AP1AR: variants seen among roughly 807,000 people sequenced by gnomAD.
AP1AR encodes the protein AP-1 complex-associated regulatory protein.
In AP1AR, 29 loss-of-function variants were observed where a neutral mutation model predicts 46.3. That is an observed-to-expected ratio of 0.63 (90% CI 0.47 to 0.85). The LOEUF is 0.85. Among genes scored for constraint, AP1AR ranks in the 40% least tolerant of loss-of-function variants. AP1AR has a pLI of 0.00. For synonymous variants in AP1AR, 122 were observed against 122.9 expected (o/e 0.99, Z 0.05); for missense variants, 357 against 356.3 (o/e 1.00, Z -0.02).
chr4:112,259,691 G>A (rs1726356528), intron 4 of AP1AR, among the ~76,000 whole-genome samples: 1 of 152,142 alleles, frequency 6.6e-6, no homozygotes, highest in Non-Finnish European at 1.5e-5. Flanking sequence ...AAAGGAATAG[G>A]TTAAAGGTAA....
intron 4 of AP1AR, 25 bp downstream of exon 4, chr4:112,257,822 AC>A (rs771566036): frequency 2.9e-5 from 44 of 1,537,728 alleles, no homozygotes; most frequent in East Asian, 4.7e-5. Flanking sequence ...AAAAAAAAAA[AC>A]AAAACTTCTA....
At chr4:112,236,897 A>G (rs756280429) in intron 1 of AP1AR, among the ~76,000 whole-genome samples, 19 of 152,334 alleles carry the variant, frequency 1.2e-4, no homozygotes, top group Non-Finnish European at 2.4e-4. Context: ...AAGCTATTCT[A>G]ATTTCAAAAA....
chr4:112,262,754 A>G (rs1490348823), intron 5 of AP1AR, among the ~76,000 whole-genome samples: 1 of 152,248 alleles, frequency 6.6e-6, no homozygotes, highest in Non-Finnish European at 1.5e-5. Flanking sequence ...AATAGATGCT[A>G]CTGCTTCATA....
chr4:112,272,086 A>C lies in AP1AR; in HGVS notation c.*3677A>C, dbSNP rs1292328854. On this transcript the variant is annotated 3_prime_UTR_variant, in exon 10 of 10. Transcript: ENST00000274000. ...TGGAGACAGTTACACAAATGAAGGGATGGAAACTGGGGAGTTGGGGATGAA... is the reference window on the plus strand; with the variant it reads ...TGGAGACAGTTACACAAATGAAGGGCTGGAAACTGGGGAGTTGGGGATGAA... Among the ~76,000 whole-genome samples the C allele has an allele frequency of 6.6e-6, 1 of 152,206 alleles. No homozygotes were observed. The highest frequency in any genetic ancestry group is 2.4e-5 in the African/African-American group (1 of 41,454).
chr4:112,235,865 T>A (rs987468530), intron 1 of AP1AR, among the ~76,000 whole-genome samples: 1 of 152,210 alleles, frequency 6.6e-6, no homozygotes, highest in African/African-American at 2.4e-5. Context: ...TTATTCTGTG[T>A]GCTAAGCTGT....
At chr4:112,264,874 A>T in intron 6 of AP1AR, 135 bp from the exon 7 acceptor site, 1 of 663,330 alleles carries the variant, frequency 1.5e-6, no homozygotes, top group Non-Finnish European at 2.5e-6. Flanking sequence ...TGATGGATTT[A>T]AGGAAAAATA....
rs758416681 is a variant in AP1AR, at chr4:112,266,734, A to G, written c.643+18A>G. 6.9e-6 allele frequency: 11 copies of G among 1,585,832 alleles called. No individual in the cohort carries two copies. In the East Asian group the frequency reaches 1.1e-4, roughly 16 times the overall value. ...TGAAGAAGGTATTTTATAATTCACA[A>G]TTTTACCTGAAAAATTTAACGTAAT... On this transcript the variant is annotated intron_variant, in intron 9 of 9. Transcript: ENST00000274000.
At chr4:112,241,768 T>C (rs1055351436) in intron 1 of AP1AR, among the ~76,000 whole-genome samples, 6 of 152,222 alleles carry the variant, frequency 3.9e-5, no homozygotes, top group Admixed American at 3.9e-4. Context: ...GTTGATTTTA[T>C]CCCTTAAGAT....
intron 1 of AP1AR, 71 bp from the exon 2 acceptor site, chr4:112,253,137 T>C: frequency 8.6e-7 from 1 of 1,168,508 alleles, no homozygotes; most frequent in Non-Finnish European, 1.2e-6. Flanking sequence ...AAATAAATGT[T>C]TTTATGCTAT....
At chr4:112,258,374 C>T (rs979890213) in intron 4 of AP1AR, among the ~76,000 whole-genome samples, 1 of 152,064 alleles carries the variant, frequency 6.6e-6, no homozygotes, top group Non-Finnish European at 1.5e-5. Context: ...TGCCAAGCAC[C>T]GTGCTAGACA....
intron 3 of AP1AR, among the ~76,000 whole-genome samples, chr4:112,256,967 A>G (rs1488108565): frequency 6.6e-6 from 1 of 152,218 alleles, no homozygotes; most frequent in East Asian, 1.9e-4. Flanking sequence ...TCTGTGTAAG[A>G]CACTGTATTA....
intron 1 of AP1AR, among the ~76,000 whole-genome samples, chr4:112,235,272 G>A (rs1403553414): frequency 6.6e-6 from 1 of 152,120 alleles, no homozygotes; most frequent in Non-Finnish European, 1.5e-5. Context: ...TTCTTTCTCA[G>A]ATAGAAGACC....
intron 7 of AP1AR, 50 bp from the exon 8 acceptor site, chr4:112,265,684 T>C (rs770019005): frequency 2.2e-6 from 3 of 1,372,380 alleles, no homozygotes; most frequent in South Asian, 2.5e-5. Flanking sequence ...ATATTTGTCA[T>C]ATTGCAGCTA....
intron 1 of AP1AR, among the ~76,000 whole-genome samples, chr4:112,240,088 A>G (rs1342423932): frequency 1.3e-5 from 2 of 152,248 alleles, no homozygotes; most frequent in Non-Finnish European, 2.9e-5. Context: ...ACACAAATAC[A>G]ACATAAATTC....
At chr4:112,243,523 C>T (rs908288686) in intron 1 of AP1AR, among the ~76,000 whole-genome samples, 6 of 152,210 alleles carry the variant, frequency 3.9e-5, no homozygotes, top group East Asian at 1.9e-4. Flanking sequence ...TCATTCTATA[C>T]GTTTATCCCC....
At chr4:112,257,001 C>T (rs1328499987) in intron 3 of AP1AR, among the ~76,000 whole-genome samples, 1 of 152,162 alleles carries the variant, frequency 6.6e-6, no homozygotes, top group Non-Finnish European at 1.5e-5. Flanking sequence ...GATTCATTAA[C>T]TTTGAACTCA....
At chr4:112,239,324 C>CT (rs1399431932) in intron 1 of AP1AR, among the ~76,000 whole-genome samples, 2 of 152,172 alleles carry the variant, frequency 1.3e-5, no homozygotes, top group Admixed American at 6.5e-5. Context: ...CTCGTCTTGC[C>CT]TAGTCTTGAT....
rs150701507 is a variant in AP1AR, at chr4:112,260,432, A to C, written c.186-334A>C. Among the ~76,000 whole-genome samples the C allele has an allele frequency of 2.9e-3, 442 of 152,344 alleles. 1 individual carries two copies. The highest frequency in any genetic ancestry group is 9.7e-3 in the African/African-American group (405 of 41,582). On this transcript the variant is annotated intron_variant, in intron 4 of 9. Transcript: ENST00000274000. Reference sequence around the variant, plus strand: ...CTGATGTTTATATTTTATGATGAGCATCTTGGGATATGGTTTGGGGTATAT... The same window carrying C: ...CTGATGTTTATATTTTATGATGAGCCTCTTGGGATATGGTTTGGGGTATAT...
At chr4:112,237,840 C>T (rs114012828) in intron 1 of AP1AR, among the ~76,000 whole-genome samples, 9,124 of 152,220 alleles carry the variant, frequency 0.06, 353 homozygotes, top group Middle Eastern at 0.092. Context: ...CCCTATGAAA[C>T]CCGCTCCAAG....
Sources: gnomAD v4.1 joint callset for allele counts (sites outside exome capture counted in the v4.1 genomes callset) on GRCh38, gnomAD v4.1.1 for gene constraint, MANE v1.5 for transcripts, NCBI Gene and HGNC (gene_info 2026-07-23, HGNC 2026-07-21) for gene names.